The following CMYA5 variants were observed in gnomAD, a reference collection of about 807,000 sequenced individuals.
CMYA5 encodes the protein cardiomyopathy associated 5.
Under a neutral mutation model 318.9 loss-of-function variants are expected in CMYA5, and 246 were observed. That is an observed-to-expected ratio of 0.77 (90% CI 0.70 to 0.86). The LOEUF (loss-of-function observed/expected upper bound fraction) is 0.86. Among genes scored for constraint, CMYA5 ranks in the 40% least tolerant of loss-of-function variants. CMYA5 has a pLI of 0.00. For synonymous variants in CMYA5, 1,641 were observed against 1,729.5 expected, an observed-to-expected ratio of 0.95 and a Z score of 1.27; for missense variants, 4,589 against 4,678.2, an observed-to-expected ratio of 0.98 and a Z score of 0.56.
chr5:79,777,673 G>A (rs2151098337), intron 9 of CMYA5, among the ~76,000 whole-genome samples: 1 of 152,236 alleles, frequency 6.6e-6, no homozygotes, highest in South Asian at 2.1e-4. Context: ...TACTTGGGAG[G>A]CTGAGGCAGG....
At chr5:79,769,963 G>A (rs991998253) in intron 9 of CMYA5, among the ~76,000 whole-genome samples, 1 of 152,204 alleles carries the variant, frequency 6.6e-6, no homozygotes, top group Non-Finnish European at 1.5e-5. Flanking sequence ...ATAAGCCCCT[G>A]ACTGGGGCTG....
At position 79,731,675 on chromosome 5, in the gene CMYA5, T is replaced by A; in HGVS notation, c.2910T>A (p.Phe970Leu). ...CCCAGGAAGCAGAGAAAAGAGAATTTGAGTGCGATTCTCCAATATGTTTAA... is the reference window on the plus strand; with the variant it reads ...CCCAGGAAGCAGAGAAAAGAGAATTAGAGTGCGATTCTCCAATATGTTTAA... ...YATQEAEKREFECDSPICLTS... is the reference protein window; with the variant it reads ...YATQEAEKRELECDSPICLTS... Residue 970 changes from phenylalanine (F) to leucine (L), a missense_variant, in exon 2 of 13, where the codon TTT (phenylalanine) becomes TTA (leucine). Transcript: ENST00000446378. 6.2e-7 allele frequency: 1 copy of A among 1,613,952 alleles called. No individual in the cohort carries two copies. The highest frequency in any genetic ancestry group is 8.5e-7 in the Non-Finnish European group (1 of 1,179,868).
chr5:79,791,163 T>C (rs1442068228), intron 11 of CMYA5, 94 bp downstream of exon 11: 1 of 763,646 alleles, frequency 1.3e-6, no homozygotes, highest in African/African-American at 1.7e-5. Context: ...AGCATATTCA[T>C]GGTGCAGTGA....
At position 79,799,479 on chromosome 5, in the gene CMYA5, G is replaced by T. The variant is rs763759777; in HGVS notation, c.12073G>T (p.Ala4025Ser). The change falls in exon 13 of 13, where the codon GCA becomes TCA. Residue 4025 changes from alanine to serine, a missense_variant. Ala to Ser is a moderately conservative substitution (Grantham distance 99). Coordinates refer to ENST00000446378, the MANE Select transcript of CMYA5 (RefSeq NM_153610.5). Reference protein sequence around the residue: ...YNNQRLIFINAESEQLLFIIR... With the variant: ...YNNQRLIFINSESEQLLFIIR... ...CAACCAGAGACTTATCTTCATCAAC[G>T]CAGAGAGCGAGCAGTTGCTCTTCAT... The T allele has an allele frequency of 1.9e-6, 3 of 1,613,970 alleles. No homozygotes were observed. Among genetic ancestry groups the T allele is most frequent in the East Asian group, 2.2e-5 (1 of 44,878 alleles).
At chr5:79,727,421 T>G (rs1827771425) in intron 1 of CMYA5, among the ~76,000 whole-genome samples, 1 of 152,224 alleles carries the variant, frequency 6.6e-6, no homozygotes, top group South Asian at 2.1e-4. Flanking sequence ...ATGCAGAGAC[T>G]GATGATAAAA....
At chr5:79,757,392 A>G (rs1427127893) in intron 6 of CMYA5, among the ~76,000 whole-genome samples, 1 of 152,202 alleles carries the variant, frequency 6.6e-6, no homozygotes, top group East Asian at 1.9e-4. Flanking sequence ...AAAACATCCA[A>G]GGATTTTGTT....
At chr5:79,794,162 G>C (rs1374891162) in intron 12 of CMYA5, among the ~76,000 whole-genome samples, 2 of 152,164 alleles carry the variant, frequency 1.3e-5, no homozygotes, top group Non-Finnish European at 2.9e-5. Context: ...GCAAACTATA[G>C]CCCATAGGCC....
intron 9 of CMYA5, 80 bp from the exon 10 acceptor site, chr5:79,788,887 ATGTT>A: frequency 7.5e-7 from 1 of 1,336,758 alleles, no homozygotes; most frequent in Non-Finnish European, 1.0e-6. Context: ...CTAATAAAAG[ATGTT>A]CATTCACTAC....
rs112744859 is a variant in CMYA5, at chr5:79,714,437, T to C, written c.150-14478T>C. Reference sequence around the variant, plus strand: ...TGATATCTTTTTTCTTTTTCTTTTTTTTTTTTTTTTTTTTGAGATGGGGTC... The same window carrying C: ...TGATATCTTTTTTCTTTTTCTTTTTCTTTTTTTTTTTTTTGAGATGGGGTC... On this transcript the variant is annotated intron_variant, in intron 1 of 12. Coordinates refer to ENST00000446378, the MANE Select transcript of CMYA5 (RefSeq NM_153610.5). Among the ~76,000 whole-genome samples the C allele has an allele frequency of 2.0e-3, 108 of 54,088 alleles. No homozygotes were observed. In the South Asian group the frequency reaches 0.03, roughly 15 times the overall value. 35.5% of individuals were successfully genotyped at this position (54,088 alleles called of 152,430 possible). A position where few individuals can be genotyped will look rare whatever the true frequency, so the allele number is the denominator to read the frequency against.
intron 9 of CMYA5, among the ~76,000 whole-genome samples, chr5:79,776,901 C>T (rs192619529): frequency 8.5e-5 from 13 of 152,282 alleles, no homozygotes; most frequent in African/African-American, 2.4e-4. Flanking sequence ...CAGGCCGCCC[C>T]GCTCCCCTGG....
chr5:79,701,225 G>A (rs899641950), intron 1 of CMYA5, among the ~76,000 whole-genome samples: 2 of 151,722 alleles, frequency 1.3e-5, no homozygotes, highest in Non-Finnish European at 2.9e-5. Context: ...TCCAGAGCAA[G>A]ACTCTGTCTC....
intron 9 of CMYA5, chr5:79,778,103 C>G (rs1469706561): frequency 6.6e-6 from 1 of 151,740 alleles, no homozygotes; most frequent in African/African-American, 2.4e-5. Flanking sequence ...GCCTGGGTGA[C>G]AGAGTAAGAC....
intron 11 of CMYA5, among the ~76,000 whole-genome samples, chr5:79,793,159 T>C (rs750713828): frequency 6.6e-6 from 1 of 152,236 alleles, no homozygotes; most frequent in Non-Finnish European, 1.5e-5. Flanking sequence ...ATTCTAGTTA[T>C]TTCCTGATTC....
In CMYA5 at chr5:79,729,818, A is replaced by G. The variant is rs369390314; in HGVS notation, c.1053A>G (p.Ala351=). 1.9e-6 allele frequency: 3 copies of G among 1,613,622 alleles called. No individual in the cohort carries two copies. The highest frequency in any genetic ancestry group is 2.5e-6 in the Non-Finnish European group (3 of 1,179,702). The change falls in exon 2 of 13, where the codon GCA becomes GCG. Residue 351 remains alanine (A), a synonymous_variant. Coordinates refer to ENST00000446378, the MANE Select transcript of CMYA5 (RefSeq NM_153610.5). ...TVPSYSSSGR[A]EQGIQLRHSQ... ...CCTCTTATTCAAGTAGTGGCAGAGC[A>G]GAACAAGGAATACAGCTCAGGCATT...
intron 1 of CMYA5, among the ~76,000 whole-genome samples, chr5:79,691,671 G>A (rs1205497082): frequency 2.0e-5 from 3 of 152,206 alleles, no homozygotes; most frequent in Non-Finnish European, 2.9e-5. Context: ...AAAACTTCTG[G>A]ATTTAGGAAA....
intron 12 of CMYA5, among the ~76,000 whole-genome samples, chr5:79,794,484 C>G (rs907548350): frequency 6.6e-6 from 1 of 152,144 alleles, no homozygotes; most frequent in Non-Finnish European, 1.5e-5. Context: ...GCCAGGAATC[C>G]AGTTTGAGGT....
At chr5:79,741,840 G>A (rs959873510) in intron 2 of CMYA5, among the ~76,000 whole-genome samples, 2 of 152,056 alleles carry the variant, frequency 1.3e-5, no homozygotes, top group Non-Finnish European at 2.9e-5. Flanking sequence ...GATGTCTCCT[G>A]CCTTAAAATC....
chr5:79,789,645 A>T (rs183337753), intron 10 of CMYA5, among the ~76,000 whole-genome samples: 1 of 152,028 alleles, frequency 6.6e-6, no homozygotes, highest in Non-Finnish European at 1.5e-5. Flanking sequence ...GGCTGGTCTC[A>T]AAGTCCTGAC....
At position 79,758,785 on chromosome 5, in the gene CMYA5, C is replaced by T. The variant is rs745801655; in HGVS notation, c.11143C>T (p.Pro3715Ser). ...GCCTCCTAGATTAGAACCTCAGGAA[C>T]CAAATTCTGCCACCAGCACAACAAT... Reference protein sequence around the residue: ...PQPPRLEPQEPNSATSTTIAV... With the variant: ...PQPPRLEPQESNSATSTTIAV... The change falls in exon 7 of 13, where the codon CCA (proline) becomes TCA (serine). Residue 3715 changes from proline (P) to serine (S), a missense_variant. Coordinates refer to ENST00000446378, the MANE Select transcript of CMYA5 (RefSeq NM_153610.5). 2.5e-5 allele frequency: 40 copies of T among 1,602,728 alleles called. No individual in the cohort carries two copies. The East Asian group carries it at 7.7e-4, about 31-fold the overall frequency.
Sources: gnomAD v4.1 joint callset for allele counts (sites outside exome capture counted in the v4.1 genomes callset) on GRCh38, gnomAD v4.1.1 for gene constraint, MANE v1.5 for transcripts, NCBI Gene and HGNC (gene_info 2026-07-23, HGNC 2026-07-21) for gene names.